TTC39B: variants seen among roughly 807,000 people sequenced by gnomAD.
The protein encoded by TTC39B is tetratricopeptide repeat protein 39B.
TTC39B carries 92 observed loss-of-function variants against 96.6 expected under a neutral mutation model. The observed-to-expected ratio is 0.95, with a 90% CI of 0.80 to 1.13. The LOEUF is 1.13. Among genes scored for constraint, TTC39B ranks in the 50% most tolerant of loss-of-function variants. The pLI, the probability that TTC39B is intolerant of heterozygous loss-of-function variation, is 0.00. For synonymous variants in TTC39B, 367 were observed against 299.4 expected (o/e 1.23, Z -2.33); for missense variants, 955 against 809.3 (o/e 1.18, Z -2.18).
intron 2 of TTC39B, among the ~76,000 whole-genome samples, chr9:15,243,023 A>C (rs10961930): frequency 6.6e-6 from 1 of 152,178 alleles, no homozygotes; most frequent in Non-Finnish European, 1.5e-5. Context: ...ACAGTCCAGA[A>C]ATCCTTTGGT....
At chr9:15,178,254 CTAAA>C (rs1818065175) in intron 17 of TTC39B, among the ~76,000 whole-genome samples, 1 of 152,030 alleles carries the variant, frequency 6.6e-6, no homozygotes, top group African/African-American at 2.4e-5. Context: ...TTATGCCTCA[CTAAA>C]TAAAATACAA....
At chr9:15,211,474 T>C in intron 4 of TTC39B, 77 bp from the exon 5 acceptor site, 3 of 1,271,958 alleles carry the variant, frequency 2.4e-6, no homozygotes, top group Non-Finnish European at 3.1e-6. Flanking sequence ...TAAATGCATG[T>C]CCTGACTTGC....
chr9:15,229,072 C>A (rs1821285378), intron 2 of TTC39B, among the ~76,000 whole-genome samples: 1 of 152,108 alleles, frequency 6.6e-6, no homozygotes, highest in Admixed American at 6.5e-5. Context: ...ATAGACATAA[C>A]CCATTTATTG....
rs1333396721 is a variant in TTC39B at position 15,211,414 on chromosome 9, G to A, written c.483-17C>T. 2 of 1,458,990 alleles carry A rather than the reference G, an allele frequency of 1.4e-6. No individual in the cohort carries two copies. The highest frequency in any genetic ancestry group is 1.8e-6 in the Non-Finnish European group (2 of 1,102,046). 90.4% of individuals were successfully genotyped at this position (1,458,990 alleles called of 1,614,324 possible). A position where few individuals can be genotyped will look rare whatever the true frequency, so the allele number is the denominator to read the frequency against. ...TCCTTAGCCCTGGGAAGAACACAGG[G>A]AATTCAGACATTTTAATTCAATGGA... On this transcript the variant is annotated splice_polypyrimidine_tract_variant and intron_variant, in intron 4 of 19. Transcript: ENST00000512701.
chr9:15,289,756 A>G (rs1480034447), intron 1 of TTC39B, among the ~76,000 whole-genome samples: 1 of 152,214 alleles, frequency 6.6e-6, no homozygotes, highest in African/African-American at 2.4e-5. Context: ...TTAGAAATGC[A>G]ACTGTTTTGC....
intron 15 of TTC39B, chr9:15,185,625 A>G (rs1818483146): frequency 4.0e-6 from 2 of 503,188 alleles, no homozygotes; most frequent in South Asian, 2.8e-5. Context: ...TAAGCCCTCC[A>G]GGTGATTCTG....
chr9:15,202,625 C>A (rs954099998), intron 7 of TTC39B, among the ~76,000 whole-genome samples: 4 of 151,740 alleles, frequency 2.6e-5, no homozygotes, highest in Admixed American at 2.6e-4. Context: ...GACAGAAGAA[C>A]TGCTTGAACC....
intron 2 of TTC39B, among the ~76,000 whole-genome samples, chr9:15,230,203 C>A (rs556721567): frequency 6.6e-6 from 1 of 152,120 alleles, no homozygotes. Flanking sequence ...CCTATTTTAA[C>A]GGCTCTAACT....
chr9:15,201,531 T>A (rs561462917), intron 7 of TTC39B, among the ~76,000 whole-genome samples: 62 of 152,244 alleles, frequency 4.1e-4, no homozygotes, highest in Admixed American at 6.5e-4. Flanking sequence ...TGGACAGGTA[T>A]AGAAAGGCAA....
At chr9:15,295,170 C>T (rs1271372714) in intron 1 of TTC39B, among the ~76,000 whole-genome samples, 1 of 152,156 alleles carries the variant, frequency 6.6e-6, no homozygotes, top group Non-Finnish European at 1.5e-5. Flanking sequence ...TGCTGACCAC[C>T]TAGTACCAGG....
intron 1 of TTC39B, among the ~76,000 whole-genome samples, chr9:15,281,625 C>CAAAAAAAAAAAAAAAAAAAAAAA (rs1161175672): frequency 8.2e-5 from 4 of 49,008 alleles, no homozygotes; most frequent in African/African-American, 3.8e-4. Context: ...CCTGCAACAG[C>CAAAAAAAAAAAAAAAAAAAAAAA]AAAAAAAAAA....
chr9:15,288,024 T>C (rs1287222501), intron 1 of TTC39B, among the ~76,000 whole-genome samples: 1 of 150,788 alleles, frequency 6.6e-6, no homozygotes, highest in Non-Finnish European at 1.5e-5. Context: ...ATTTCAAATA[T>C]AATTAGCTAT....
intron 2 of TTC39B, among the ~76,000 whole-genome samples, chr9:15,260,723 T>G (rs934609273): frequency 2.6e-4 from 39 of 152,310 alleles, no homozygotes; most frequent in Admixed American, 1.5e-3. Flanking sequence ...AGAAATGTTA[T>G]AAAACAAAAT....
intron 1 of TTC39B, among the ~76,000 whole-genome samples, chr9:15,303,631 A>G (rs1824669205): frequency 6.6e-6 from 1 of 151,836 alleles, no homozygotes; most frequent in African/African-American, 2.4e-5. Context: ...CATATGAGAA[A>G]AATTTTTTTT....
chr9:15,183,388 A>T (rs550080591), intron 16 of TTC39B: 43 of 432,060 alleles, frequency 1.0e-4, no homozygotes, highest in African/African-American at 8.7e-4. Flanking sequence ...TTATTGATAA[A>T]ATCTTTTTAT....
intron 11 of TTC39B, 79 bp from the exon 12 acceptor site, chr9:15,189,871 A>T: frequency 1.1e-6 from 1 of 950,958 alleles, no homozygotes; most frequent in Non-Finnish European, 1.7e-6. Context: ...TTTCATTAAC[A>T]TACAGTAAAG....
chr9:15,299,597 C>T (rs1824507754), intron 1 of TTC39B, among the ~76,000 whole-genome samples: 1 of 152,088 alleles, frequency 6.6e-6, no homozygotes, highest in Admixed American at 6.6e-5. Flanking sequence ...AAATCTCTCC[C>T]CCAGGAAGCC....
rs181000960 is a variant in TTC39B, at chr9:15,258,423, T to C, written c.275+9491A>G. Among the ~76,000 whole-genome samples, 627 of 152,332 alleles carry C rather than the reference T, an allele frequency of 4.1e-3. 1 individual carries two copies. The highest frequency in any genetic ancestry group is 0.014 in the African/African-American group (600 of 41,584). The stretch of plus-strand genomic sequence containing the variant: ...TTTTCAGATAAACAAAGGAGGTGGA[T>C]ACCAAGAGTTCAGTTTGGGACATAA... On this transcript the variant is annotated intron_variant, in intron 2 of 19. Coordinates refer to ENST00000512701, the Ensembl canonical transcript of TTC39B.
At chr9:15,230,357 C>T (rs573727092) in intron 2 of TTC39B, among the ~76,000 whole-genome samples, 1 of 152,286 alleles carries the variant, frequency 6.6e-6, no homozygotes, top group African/African-American at 2.4e-5. Context: ...CAAAATGTAT[C>T]CATATATTAG....
Sources: allele counts gnomAD v4.1 joint callset (sites outside exome capture counted in the v4.1 genomes callset), GRCh38; gene constraint gnomAD v4.1.1; transcripts MANE v1.5; gene names NCBI Gene and HGNC (gene_info 2026-07-23, HGNC 2026-07-21).